HYCC1: variants seen among roughly 807,000 people sequenced by gnomAD.
HYCC1 encodes the protein hyccin.
At chr7:22,948,607 C>T in the HYCC1 span, among the ~76,000 whole-genome samples, 1 of 152,004 alleles carries the variant, frequency 6.6e-6, no homozygotes, top group Non-Finnish European at 1.5e-5. Context: ...AAAGTTGTTA[C>T]GGGTGCCTTG....
the HYCC1 span, chr7:22,938,531 T>G: frequency 6.6e-6 from 1 of 152,200 alleles, no homozygotes; most frequent in African/African-American, 2.4e-5. Context: ...TTTGGGAAGT[T>G]CAACAAGGAT....
the HYCC1 span, among the ~76,000 whole-genome samples, chr7:23,010,858 T>C: frequency 6.6e-6 from 1 of 152,252 alleles, no homozygotes; most frequent in East Asian, 1.9e-4. Flanking sequence ...AGCTATCATT[T>C]TCTCCCTTCT....
At chr7:22,904,779 A>T in the HYCC1 span, among the ~76,000 whole-genome samples, 1 of 151,726 alleles carries the variant, frequency 6.6e-6, no homozygotes, top group Non-Finnish European at 1.5e-5. Context: ...CCCTGTCTCT[A>T]CTAAAAATCC....
At chr7:22,980,917 A>G in the HYCC1 span, among the ~76,000 whole-genome samples, 1 of 152,212 alleles carries the variant, frequency 6.6e-6, no homozygotes, top group Non-Finnish European at 1.5e-5. Flanking sequence ...CACTGTACCC[A>G]TATAAACTGC....
At chr7:22,954,518 CTT>C in the HYCC1 span, among the ~76,000 whole-genome samples, 466 of 151,116 alleles carry the variant, frequency 3.1e-3, 3 homozygotes, top group African/African-American at 0.011. Flanking sequence ...AATCATTTAA[CTT>C]TATTTAAATA....
chr7:22,907,166 G>A, the HYCC1 span, among the ~76,000 whole-genome samples: 1 of 148,044 alleles, frequency 6.8e-6, no homozygotes, highest in Non-Finnish European at 1.5e-5. Flanking sequence ...TCAATCACCT[G>A]GCCCAGGCTG....
chr7:22,973,565 A>G, the HYCC1 span, among the ~76,000 whole-genome samples: 2 of 152,200 alleles, frequency 1.3e-5, no homozygotes, highest in African/African-American at 4.8e-5. Flanking sequence ...CTTTTAAATT[A>G]CTTAGATCTT....
At chr7:22,986,363 T>C in the HYCC1 span, among the ~76,000 whole-genome samples, 2 of 152,186 alleles carry the variant, frequency 1.3e-5, no homozygotes, top group Non-Finnish European at 2.9e-5. Context: ...GAATGGTGTT[T>C]TAAAAAACAA....
chr7:22,944,818 G>C, the HYCC1 span: 15 of 152,380 alleles, frequency 9.8e-5, no homozygotes, highest in Non-Finnish European at 2.2e-4. Flanking sequence ...AATTGAAAGG[G>C]ATCTTCACAT....
chr7:22,961,480 C>A, the HYCC1 span, among the ~76,000 whole-genome samples: 1 of 152,074 alleles, frequency 6.6e-6, no homozygotes, highest in Non-Finnish European at 1.5e-5. Flanking sequence ...TCTTTGAATT[C>A]CTTTCAATTG....
the HYCC1 span, among the ~76,000 whole-genome samples, chr7:22,999,090 C>G: frequency 6.6e-6 from 1 of 152,136 alleles, no homozygotes; most frequent in African/African-American, 2.4e-5. Flanking sequence ...ACCAAAACAG[C>G]ATCATCTGAT....
chr7:22,971,645 C>T, the HYCC1 span, among the ~76,000 whole-genome samples: 2 of 143,962 alleles, frequency 1.4e-5, no homozygotes, highest in African/African-American at 5.2e-5. Context: ...CACTGCACTC[C>T]AGCCTGGGCA....
At chr7:22,967,340 T>A in the HYCC1 span, among the ~76,000 whole-genome samples, 1 of 152,164 alleles carries the variant, frequency 6.6e-6, no homozygotes, top group Non-Finnish European at 1.5e-5. Flanking sequence ...GAAAAAGTGA[T>A]ATTTTTCCAA....
chr7:22,920,156 G>T, the HYCC1 span, among the ~76,000 whole-genome samples: 1 of 151,906 alleles, frequency 6.6e-6, no homozygotes, highest in African/African-American at 2.4e-5. Context: ...AGGGTGGTGT[G>T]ATTTTTTTGT....
chr7:22,946,230 C>T, the HYCC1 span: 5 of 1,269,978 alleles, frequency 3.9e-6, no homozygotes, highest in African/African-American at 1.5e-5. Flanking sequence ...AAATGATTAA[C>T]ACCAAATCAG....
At chr7:22,914,226 G>A in the HYCC1 span, among the ~76,000 whole-genome samples, 1 of 152,154 alleles carries the variant, frequency 6.6e-6, no homozygotes, top group East Asian at 1.9e-4. Flanking sequence ...GCCTGCCCTG[G>A]TCATTCACCC....
chr7:22,949,283 A>G, the HYCC1 span, among the ~76,000 whole-genome samples: 2,388 of 152,162 alleles, frequency 0.016, 66 homozygotes, highest in African/African-American at 0.055. Flanking sequence ...ATTCCCATTT[A>G]CAGACAAGGA....
chr7:22,987,814 T>A, the HYCC1 span, among the ~76,000 whole-genome samples: 1 of 152,088 alleles, frequency 6.6e-6, no homozygotes. Flanking sequence ...AGAATTAGAA[T>A]TAAGTCAAAG....
chr7:22,970,857 A>G, the HYCC1 span, among the ~76,000 whole-genome samples: 1 of 152,222 alleles, frequency 6.6e-6, no homozygotes, highest in Non-Finnish European at 1.5e-5. Flanking sequence ...CATCACGGCT[A>G]TGTCCTGAAG....
Sources: gnomAD v4.1 joint callset for allele counts (sites outside exome capture counted in the v4.1 genomes callset) on GRCh38, gnomAD v4.1.1 for gene constraint, MANE v1.5 for transcripts, NCBI Gene and HGNC (gene_info 2026-07-23, HGNC 2026-07-21) for gene names.